Variants in ST3GAL2 observed in about 807,000 individuals in gnomAD.
ST3GAL2 encodes the protein ST3 beta-galactoside alpha-2,3-sialyltransferase 2, also known as CMP-N-acetylneuraminate-beta-galactosamide-alpha-2,3-sialyltransferase 2.
ST3GAL2 carries 16 observed loss-of-function variants against 37.5 expected under a neutral mutation model. The ratio of observed to expected loss-of-function variants is 0.43; its 90% CI spans 0.29 to 0.65. The LOEUF (loss-of-function observed/expected upper bound fraction) is 0.65, where lower values mean the gene tolerates loss of function less well. Among genes scored for constraint, ST3GAL2 ranks in the 30% least tolerant of loss-of-function variants. ST3GAL2 has a pLI of 0.17. For synonymous variants in ST3GAL2, 238 were observed against 202.9 expected (o/e 1.17, Z -1.47); for missense variants, 383 against 487.8 (o/e 0.79, Z 2.02).
chr16:70,420,963 G>A (rs1041317682), intron 1 of ST3GAL2, among the ~76,000 whole-genome samples: 2 of 152,232 alleles, frequency 1.3e-5, no homozygotes, highest in Non-Finnish European at 2.9e-5. Context: ...AGGGACCCTG[G>A]AAGTTCCAGC....
intron 1 of ST3GAL2, 196 bp from the exon 2 acceptor site, chr16:70,399,729 G>C (rs1285393196): frequency 6.2e-6 from 2 of 324,002 alleles, no homozygotes; most frequent in Non-Finnish European, 1.1e-5. Flanking sequence ...TGGAGGACTA[G>C]ATTAGCCCAG....
intron 2 of ST3GAL2, 87 bp downstream of exon 2, chr16:70,398,105 G>C: frequency 4.2e-6 from 6 of 1,412,248 alleles, no homozygotes; most frequent in Non-Finnish European, 5.8e-6. Flanking sequence ...ATTTTGTCAA[G>C]GCTCTGGGGG....
Position 70,378,578 on chromosome 16 carries a change from T to C in ST3GAL2, c.*3111A>G. The C allele has an allele frequency of 6.7e-6, 1 of 150,320 alleles. No individual in the cohort carries two copies. Among genetic ancestry groups the C allele is most frequent in the Non-Finnish European group, 1.5e-5 (1 of 67,850 alleles). 9.3% of individuals were successfully genotyped at this position (150,320 alleles called of 1,614,324 possible). On this transcript the variant is annotated 3_prime_UTR_variant, in exon 7 of 7. Transcript: ENST00000342907. ...ACTGCCGGGCATCGTGGCGGTCACCTGTAGTCTCAGCTACTCGGGAGACTG... is the reference window on the plus strand; with the variant it reads ...ACTGCCGGGCATCGTGGCGGTCACCCGTAGTCTCAGCTACTCGGGAGACTG...
intron 1 of ST3GAL2, among the ~76,000 whole-genome samples, chr16:70,437,460 C>T (rs2047833007): frequency 6.6e-6 from 1 of 151,710 alleles, no homozygotes; most frequent in Admixed American, 6.6e-5. Flanking sequence ...CACTGGGAAA[C>T]TGGGGATTGG....
chr16:70,430,302 C>T (rs2047780839), intron 1 of ST3GAL2, among the ~76,000 whole-genome samples: 1 of 152,234 alleles, frequency 6.6e-6, no homozygotes, highest in African/African-American at 2.4e-5. Context: ...CTGAGGTATG[C>T]AGACAGCTGG....
chr16:70,427,785 A>T lies in ST3GAL2; in HGVS notation c.-1004+11164T>A, dbSNP rs146317319. ...ATCTCAACTAATTTTTACCACTGAA[A>T]TGTCTCTCAGATCTATTTCTCGCTC... is the stretch of plus-strand genomic sequence containing the variant. On this transcript the variant is annotated intron_variant, in intron 1 of 6. Transcript: ENST00000342907. 3.8e-3 allele frequency among the ~76,000 whole-genome samples: 577 copies of T among 152,234 alleles called. 3 individuals are homozygous for T. Among genetic ancestry groups the T allele is most frequent in the Non-Finnish European group, 6.3e-3 (426 of 67,996 alleles).
At chr16:70,381,939 G>A in intron 6 of ST3GAL2, 77 bp from the exon 7 acceptor site, 3 of 1,577,688 alleles carry the variant, frequency 1.9e-6, no homozygotes, top group Non-Finnish European at 1.7e-6. Flanking sequence ...GGATGACAGG[G>A]AGGAGAGGGG....
intron 1 of ST3GAL2, among the ~76,000 whole-genome samples, chr16:70,437,882 C>A (rs1387376309): frequency 6.6e-6 from 1 of 152,142 alleles, no homozygotes; most frequent in African/African-American, 2.4e-5. Flanking sequence ...AAAGACGAGG[C>A]GGGAGTGTGT....
At chr16:70,433,715 G>C (rs2047806247) in intron 1 of ST3GAL2, among the ~76,000 whole-genome samples, 1 of 152,190 alleles carries the variant, frequency 6.6e-6, no homozygotes. Flanking sequence ...CAAGACCCTG[G>C]AGGGGACCTG....
At chr16:70,401,375 TGGAAAGAGCAGAGAAGTAGA>T (rs376846472) in intron 1 of ST3GAL2, among the ~76,000 whole-genome samples, 1,842 of 152,200 alleles carry the variant, frequency 0.012, 28 homozygotes, top group African/African-American at 0.041. Flanking sequence ...TTGACATGTC[TGGAAAGAGCAGAGAAGTAGA>T]GGAAAGAGCA....
Position 70,378,837 on chromosome 16 carries a change from A to C in ST3GAL2, c.*2852T>G, listed in dbSNP as rs2047372293. ...ATGGAGAAAACCCGTCTCTACTAAA[A>C]ATATAAAATTATCCGGGAGTGGTGG... is the stretch of plus-strand genomic sequence containing the variant. On this transcript the variant is annotated 3_prime_UTR_variant, in exon 7 of 7. Transcript: ENST00000342907. 1 of 152,182 alleles carries C rather than the reference A, an allele frequency of 6.6e-6. No homozygotes were observed. Among genetic ancestry groups the C allele is most frequent in the African/African-American group, 2.4e-5 (1 of 41,434 alleles). The allele number at this position is 152,182 out of a possible 1,614,324, so 9.4% of individuals were successfully genotyped here.
At chr16:70,393,040 T>A (rs934829860) in intron 3 of ST3GAL2, among the ~76,000 whole-genome samples, 1 of 151,758 alleles carries the variant, frequency 6.6e-6, no homozygotes. Flanking sequence ...GTCCACTCTA[T>A]ACCACCCCCC....
At chr16:70,401,630 C>A (rs748932354) in intron 1 of ST3GAL2, among the ~76,000 whole-genome samples, 1 of 152,320 alleles carries the variant, frequency 6.6e-6, no homozygotes, top group African/African-American at 2.4e-5. Context: ...CTGCCCACCA[C>A]GTCATGGGCT....
chr16:70,433,139 G>A (rs1275804638), intron 1 of ST3GAL2, among the ~76,000 whole-genome samples: 6 of 152,136 alleles, frequency 3.9e-5, no homozygotes, highest in Non-Finnish European at 8.8e-5. Context: ...TCATCACCAG[G>A]CACTGAAACT....
chr16:70,415,933 G>A (rs2047674194), intron 1 of ST3GAL2, among the ~76,000 whole-genome samples: 4 of 147,970 alleles, frequency 2.7e-5, no homozygotes, highest in South Asian at 4.4e-4. Flanking sequence ...GCGCCACCAC[G>A]CCCAGCTAAT....
At chr16:70,423,190 G>C (rs1175645398) in intron 1 of ST3GAL2, 2 of 152,284 alleles carry the variant, frequency 1.3e-5, no homozygotes, top group African/African-American at 4.8e-5. Flanking sequence ...GGGCCATTAA[G>C]AGGAAGGGAC....
intron 3 of ST3GAL2, among the ~76,000 whole-genome samples, chr16:70,390,552 T>C (rs890207358): frequency 1.3e-5 from 2 of 152,188 alleles, no homozygotes; most frequent in Admixed American, 6.5e-5. Context: ...ACCCTATTCC[T>C]GTCTGCCGCT....
chr16:70,404,532 A>C (rs2047576170), intron 1 of ST3GAL2, among the ~76,000 whole-genome samples: 1 of 152,174 alleles, frequency 6.6e-6, no homozygotes, highest in African/African-American at 2.4e-5. Context: ...TGTAACCAAC[A>C]AGACAGATAA....
At chr16:70,386,860 G>A (rs2047447059) in intron 4 of ST3GAL2, among the ~76,000 whole-genome samples, 1 of 152,058 alleles carries the variant, frequency 6.6e-6, no homozygotes, top group Non-Finnish European at 1.5e-5. Flanking sequence ...TGGCCAGGCT[G>A]GTCTCTAACT....
Sources: allele counts gnomAD v4.1 joint callset (sites outside exome capture counted in the v4.1 genomes callset), GRCh38; gene constraint gnomAD v4.1.1; transcripts MANE v1.5; gene names NCBI Gene and HGNC (gene_info 2026-07-23, HGNC 2026-07-21).